CRTC1: variants seen among roughly 807,000 people sequenced by gnomAD.
CRTC1 encodes the protein CREB-regulated transcription coactivator 1.
In CRTC1, 18 loss-of-function variants were observed where a neutral mutation model predicts 66.1. The ratio of observed to expected loss-of-function variants is 0.27; its 90% CI spans 0.19 to 0.40. The LOEUF is 0.40. Ranked by LOEUF, CRTC1 falls within the 10% of genes least tolerant of loss-of-function variation. The pLI is 1.00. For missense variants in CRTC1, 669 were observed against 887.9 expected (o/e 0.75, Z 3.13); for synonymous variants, 416 against 398.8 (o/e 1.04, Z -0.51).
chr19:18,770,586 G>A (rs911159891), intron 10 of CRTC1, among the ~76,000 whole-genome samples: 8 of 152,236 alleles, frequency 5.3e-5, no homozygotes, highest in African/African-American at 1.9e-4. Context: ...TGTGGGTTGT[G>A]GGTGTGCACA....
chr19:18,706,302 T>C (rs983251789), intron 1 of CRTC1, among the ~76,000 whole-genome samples: 1 of 140,874 alleles, frequency 7.1e-6, no homozygotes, highest in African/African-American at 2.6e-5. Flanking sequence ...CCTCCCGGGT[T>C]CAAAGCGATT....
At chr19:18,735,050 C>T (rs1464680857) in intron 1 of CRTC1, among the ~76,000 whole-genome samples, 4 of 152,234 alleles carry the variant, frequency 2.6e-5, no homozygotes, top group Non-Finnish European at 4.4e-5. Flanking sequence ...CAGGTGATGG[C>T]GACGGGCTTC....
chr19:18,718,622 T>C (rs1365153302), intron 1 of CRTC1, among the ~76,000 whole-genome samples: 5 of 151,924 alleles, frequency 3.3e-5, no homozygotes, highest in African/African-American at 7.3e-5. Flanking sequence ...GGATTACAAG[T>C]GTGAGCCACC....
intron 10 of CRTC1, among the ~76,000 whole-genome samples, chr19:18,769,036 C>T (rs1252049722): frequency 2.0e-5 from 3 of 152,216 alleles, no homozygotes; most frequent in Non-Finnish European, 2.9e-5. Context: ...CCAAGGTGGG[C>T]CACCCCATGT....
chr19:18,774,938 C>T lies in CRTC1; in HGVS notation c.1464C>T (p.Tyr488=). 6.2e-7 allele frequency: 1 copy of T among 1,610,292 alleles called. No individual in the cohort carries two copies. Among genetic ancestry groups the T allele is most frequent in the Non-Finnish European group, 8.5e-7 (1 of 1,180,016 alleles). ...STLGSVFGDA[Y]YEQQMAARQA... is the part of the protein sequence containing the mutation. ...TGGGCAGCGTGTTTGGGGACGCGTACTATGAGCAGCAGATGGCGGCCAGGC... is the reference window on the plus strand; with the variant it reads ...TGGGCAGCGTGTTTGGGGACGCGTATTATGAGCAGCAGATGGCGGCCAGGC... Residue 488 remains tyrosine (Y), a synonymous_variant, in exon 12 of 14, where the codon TAC becomes TAT. Transcript: ENST00000321949.
In CRTC1 at chr19:18,775,835, G is replaced by A. The variant is rs760266560; in HGVS notation, c.1693+14G>A. Reference sequence around the variant, plus strand: ...TCATCCTCACAGGTGAGGCCAGGCCGGGGGCGCGTGTGCGGCGCCCCAAGG... The same window carrying A: ...TCATCCTCACAGGTGAGGCCAGGCCAGGGGCGCGTGTGCGGCGCCCCAAGG... On this transcript the variant is annotated intron_variant, in intron 13 of 13. Coordinates refer to ENST00000321949, the MANE Select transcript of CRTC1 (RefSeq NM_015321.3). 53 of 1,561,178 alleles carry A rather than the reference G, an allele frequency of 3.4e-5. 1 individual carries two copies. Among genetic ancestry groups the A allele is most frequent in the South Asian group, 8.4e-5 (7 of 83,410 alleles).
chr19:18,761,393 G>T (rs925459388), intron 8 of CRTC1, among the ~76,000 whole-genome samples: 3 of 152,102 alleles, frequency 2.0e-5, no homozygotes, highest in African/African-American at 7.2e-5. Flanking sequence ...TGGAGGGGCT[G>T]TGGGGGATGC....
chr19:18,690,608 C>T (rs1229435137), intron 1 of CRTC1, among the ~76,000 whole-genome samples: 1 of 152,194 alleles, frequency 6.6e-6, no homozygotes, highest in Non-Finnish European at 1.5e-5. Flanking sequence ...CCTTCTAGCC[C>T]TGTAACCCGT....
chr19:18,777,681 T>A lies in CRTC1; in HGVS notation c.*299T>A. Reference sequence around the variant, plus strand: ...CTCCCTCGCCCCCAGCCCCGGGGCCTGAGCCGTCCCCTGTAAGATGCGGGA... The same window carrying A: ...CTCCCTCGCCCCCAGCCCCGGGGCCAGAGCCGTCCCCTGTAAGATGCGGGA... On this transcript the variant is annotated 3_prime_UTR_variant, in exon 14 of 14. Coordinates refer to ENST00000321949, the MANE Select transcript of CRTC1 (RefSeq NM_015321.3). The surrounding 1 kb of genome is among the most constrained non-coding windows in gnomAD (Gnocchi z 5.5). 1 of 412,196 alleles carries A rather than the reference T, an allele frequency of 2.4e-6. No individual in the cohort carries two copies. Among genetic ancestry groups the A allele is most frequent in the Non-Finnish European group, 4.4e-6 (1 of 227,912 alleles). The allele number at this position is 412,196 out of a possible 1,614,324, so 25.5% of individuals were successfully genotyped here.
Position 18,760,292 on chromosome 19 carries a change from C to A in CRTC1, c.886+64C>A. On this transcript the variant is annotated intron_variant, in intron 8 of 13. Transcript: ENST00000321949. This position sits in a 1 kb window ranked among gnomAD's most constrained non-coding sequence, Gnocchi z 6.2. ...CTTGTGGAGACAACACGGGCATCTG[C>A]AGGATGACTTGGCAGAGTCCCGTTC... The A allele has an allele frequency of 3.0e-6, 4 of 1,331,796 alleles. No homozygotes were observed. The highest frequency in any genetic ancestry group is 1.4e-5 in the African/African-American group (1 of 69,080). 82.5% of individuals were successfully genotyped at this position (1,331,796 alleles called of 1,614,324 possible). A position where few individuals can be genotyped will look rare whatever the true frequency, so the allele number is the denominator to read the frequency against.
In CRTC1 at chr19:18,755,938, A is replaced by G. The variant is rs1026844185; in HGVS notation, c.624+2353A>G. 1.3e-4 allele frequency among the ~76,000 whole-genome samples: 19 copies of G among 151,924 alleles called. No homozygotes were observed. The East Asian group carries it at 1.7e-3, about 14-fold the overall frequency. On this transcript the variant is annotated intron_variant, in intron 6 of 13. Transcript: ENST00000321949. ...TTTTGTTAAAGACGGGGGTCTCACT[A>G]TGTTGCCCAGGTTAGTCTCAAACTC...
intron 11 of CRTC1, among the ~76,000 whole-genome samples, chr19:18,773,618 G>A (rs899869629): frequency 9.2e-5 from 14 of 152,092 alleles, no homozygotes; most frequent in South Asian, 2.1e-4. Flanking sequence ...CCCTCGCCTC[G>A]GGCAAACCAA....
chr19:18,746,917 C>G (rs1055229742), intron 3 of CRTC1, 136 bp from the exon 4 acceptor site: 1 of 720,752 alleles, frequency 1.4e-6, no homozygotes, highest in Non-Finnish European at 2.4e-6. Context: ...AAACGCCCCC[C>G]GCCCTACTGG....
rs773690296 is a variant in CRTC1, at chr19:18,743,019, C to T, written c.236C>T (p.Pro79Leu). ...NQIGSGTMDL[P>L]FQTPFQSSGL... ...ATCGGGAGTGGCACCATGGACCTGC[C>T]CTTCCAGGTGAGTGCCCCGCCCCCT... Residue 79 changes from proline to leucine, a missense_variant, in exon 2 of 14, where the codon CCC becomes CTC. Around this residue, in one of 8 missense-constraint regions of CRTC1, gnomAD observed 214 missense variants for 323.4 expected, o/e 0.66. Transcript: ENST00000321949. 1 of 1,611,740 alleles carries T rather than the reference C, an allele frequency of 6.2e-7. No homozygotes were observed. The highest frequency in any genetic ancestry group is 8.5e-7 in the Non-Finnish European group (1 of 1,178,574).
intron 2 of CRTC1, among the ~76,000 whole-genome samples, chr19:18,745,010 A>AT (rs2054199484): frequency 6.6e-6 from 1 of 152,204 alleles, no homozygotes; most frequent in Admixed American, 6.5e-5. Flanking sequence ...GATTGGCTGC[A>AT]TCCAAAGCTG....
intron 1 of CRTC1, among the ~76,000 whole-genome samples, chr19:18,730,433 T>C (rs2053860773): frequency 6.6e-6 from 1 of 152,036 alleles, no homozygotes; most frequent in African/African-American, 2.4e-5. Flanking sequence ...TAGGCCTGTC[T>C]TCAGGATGGG....
intron 1 of CRTC1, among the ~76,000 whole-genome samples, chr19:18,697,027 G>A (rs998766812): frequency 9.2e-5 from 14 of 152,210 alleles, no homozygotes; most frequent in African/African-American, 3.4e-4. Flanking sequence ...CCTCCAACAG[G>A]TCCTGCGTGG....
chr19:18,772,415 C>G (rs1444752630), intron 11 of CRTC1, among the ~76,000 whole-genome samples: 2 of 152,196 alleles, frequency 1.3e-5, no homozygotes, highest in Non-Finnish European at 2.9e-5. Context: ...CCCCGCTATC[C>G]TGGGACCATC....
At chr19:18,735,365 C>T (rs987775007) in intron 1 of CRTC1, among the ~76,000 whole-genome samples, 31 of 152,216 alleles carry the variant, frequency 2.0e-4, no homozygotes, top group African/African-American at 7.5e-4. Flanking sequence ...AGGGTGTTCA[C>T]CTCCTTTGTT....
Sources: allele counts gnomAD v4.1 joint callset (sites outside exome capture counted in the v4.1 genomes callset), GRCh38; gene constraint gnomAD v4.1.1; regional missense constraint gnomAD v4.1.1; non-coding constraint Gnocchi (gnomAD v3.1); transcripts MANE v1.5; gene names NCBI Gene and HGNC (gene_info 2026-07-23, HGNC 2026-07-21).